Variants in PRSS12 observed in about 807,000 individuals in gnomAD.
The protein encoded by PRSS12 is serine protease 12.
PRSS12 carries 85 observed loss-of-function variants against 104.4 expected under a neutral mutation model. The observed-to-expected ratio is 0.81, with a 90% CI of 0.68 to 0.98. The LOEUF is 0.98. Among genes scored for constraint, PRSS12 ranks in the 50% least tolerant of loss-of-function variants. The probability of loss-of-function intolerance (pLI) is 0.00; values close to 1 mark genes in which losing one functional copy is unlikely to be tolerated. For synonymous variants in PRSS12, 454 were observed against 425.2 expected (o/e 1.07, Z -0.83); for missense variants, 1,141 against 1,139.2 (o/e 1.00, Z -0.02).
At chr4:118,318,303 G>A in intron 5 of PRSS12, 75 bp downstream of exon 5, 1 of 1,405,524 alleles carries the variant, frequency 7.1e-7, no homozygotes. Flanking sequence ...TTGAAATTAA[G>A]GAGAAGGGAA....
At chr4:118,325,961 C>G (rs907150472) in intron 4 of PRSS12, among the ~76,000 whole-genome samples, 1 of 152,152 alleles carries the variant, frequency 6.6e-6, no homozygotes, top group African/African-American at 2.4e-5. Context: ...AATCCCTATT[C>G]AAAACATTCT....
At chr4:118,332,089 A>G (rs2126040620) in intron 3 of PRSS12, among the ~76,000 whole-genome samples, 1 of 152,296 alleles carries the variant, frequency 6.6e-6, no homozygotes, top group Middle Eastern at 3.4e-3. Flanking sequence ...TCTTAGGAGG[A>G]AATGTGTTTA....
intron 10 of PRSS12, among the ~76,000 whole-genome samples, chr4:118,295,482 T>C (rs373553984): frequency 2.6e-5 from 4 of 152,230 alleles, no homozygotes; most frequent in Non-Finnish European, 1.5e-5. Context: ...ACATTCTAAA[T>C]TAGATGAATC....
At chr4:118,302,883 T>TA (rs1189354860) in intron 8 of PRSS12, among the ~76,000 whole-genome samples, 6 of 152,158 alleles carry the variant, frequency 3.9e-5, no homozygotes, top group Non-Finnish European at 8.8e-5. Context: ...TCTTTAAAAA[T>TA]AAAAATAATT....
At chr4:118,308,045 T>C (rs1056325826) in intron 8 of PRSS12, among the ~76,000 whole-genome samples, 3 of 152,226 alleles carry the variant, frequency 2.0e-5, no homozygotes, top group African/African-American at 7.2e-5. Flanking sequence ...AGTGACTTTA[T>C]AACTATCAAG....
chr4:118,281,885 G>A lies in PRSS12; in HGVS notation c.*51C>T. 1 of 870,856 alleles carries A rather than the reference G, an allele frequency of 1.1e-6. No homozygotes were observed. The highest frequency in any genetic ancestry group is 2.0e-6 in the Non-Finnish European group (1 of 500,852). The allele number at this position is 870,856 out of a possible 1,614,324, so 53.9% of individuals were successfully genotyped here. On this transcript the variant is annotated 3_prime_UTR_variant, in exon 13 of 13. Coordinates refer to ENST00000296498, the MANE Select transcript of PRSS12 (RefSeq NM_003619.4). ...TCTCTGCTGAGTGCTAATAGTGGGG[G>A]TTCAAAGTTTTCCATTTGTTTAAAT...
At chr4:118,288,289 C>T (rs1323923166) in intron 11 of PRSS12, among the ~76,000 whole-genome samples, 1 of 152,186 alleles carries the variant, frequency 6.6e-6, no homozygotes, top group Non-Finnish European at 1.5e-5. Flanking sequence ...TACACATACA[C>T]AAATACTATG....
chr4:118,282,549 A>G (rs1007837850), intron 12 of PRSS12, among the ~76,000 whole-genome samples: 1 of 152,210 alleles, frequency 6.6e-6, no homozygotes, highest in Non-Finnish European at 1.5e-5. Flanking sequence ...AATTCTGTAT[A>G]TTAAAAAGCA....
rs1242968060 is a variant in PRSS12, at chr4:118,335,614, G to C, written c.679C>G (p.Leu227Val). Reference protein sequence around the residue: ...GIAKQTPFSGLGLIPIYWSNV... With the variant: ...GIAKQTPFSGVGLIPIYWSNV... ...CTCCAATAAATGGGAATAAGGCCCA[G>C]TCCAGAAAACGGGGTTTGTTTTGCT... Residue 227 changes from leucine (L) to valine (V), a missense_variant, in exon 3 of 13, where the codon CTG becomes GTG. Transcript: ENST00000296498. 8 of 1,613,890 alleles carry C rather than the reference G, an allele frequency of 5.0e-6. No homozygotes were observed. The highest frequency in any genetic ancestry group is 6.8e-6 in the Non-Finnish European group (8 of 1,179,954).
At chr4:118,291,571 G>C (rs1428978865) in intron 11 of PRSS12, among the ~76,000 whole-genome samples, 1 of 152,008 alleles carries the variant, frequency 6.6e-6, no homozygotes, top group Non-Finnish European at 1.5e-5. Flanking sequence ...ATCTAATCCA[G>C]TCCCACACAA....
chr4:118,291,809 G>A (rs1368703989), intron 11 of PRSS12, among the ~76,000 whole-genome samples: 2 of 152,108 alleles, frequency 1.3e-5, no homozygotes, highest in Non-Finnish European at 2.9e-5. Context: ...TTGTATTGCT[G>A]AGTCTTATTA....
chr4:118,314,303 TTTC>T (rs763995332), intron 6 of PRSS12, among the ~76,000 whole-genome samples: 9 of 135,982 alleles, frequency 6.6e-5, no homozygotes, highest in African/African-American at 1.1e-4. Context: ...TGACATGAAT[TTTC>T]TTCTTTTTTT....
chr4:118,334,554 C>T (rs912734970), intron 3 of PRSS12, among the ~76,000 whole-genome samples: 20 of 151,916 alleles, frequency 1.3e-4, no homozygotes, highest in African/African-American at 4.6e-4. Context: ...TATGCCTCTC[C>T]CAGTCAAAAA....
At chr4:118,313,648 CTTGTGTT>C (rs1253022858) in intron 6 of PRSS12, among the ~76,000 whole-genome samples, 1 of 152,146 alleles carries the variant, frequency 6.6e-6, no homozygotes. Flanking sequence ...CCCATTCATT[CTTGTGTT>C]TTGTCTACAA....
intron 7 of PRSS12, among the ~76,000 whole-genome samples, chr4:118,309,530 A>T (rs1448847582): frequency 2.0e-5 from 3 of 152,102 alleles, no homozygotes; most frequent in Non-Finnish European, 2.9e-5. Flanking sequence ...AACCAACCCT[A>T]CTGACATTTG....
In PRSS12 at chr4:118,352,497, TGGGCAGGGAGCG is replaced by T; in HGVS notation, c.212_223del (p.Ala71_Gln75delinsGlu). On this transcript the variant is annotated inframe_deletion, in exon 1 of 13. Transcript: ENST00000296498. ...CCCGGCCTGGAGGGCGTGCGGGCGC[TGGGCAGGGAGCG>T]CCCGCGGGGGGCGCGGGAAGCGCGG... is the stretch of plus-strand genomic sequence containing the variant. The T allele has an allele frequency of 7.2e-7, 1 of 1,381,720 alleles. No homozygotes were observed. Among genetic ancestry groups the T allele is most frequent in the Non-Finnish European group, 9.3e-7 (1 of 1,072,816 alleles). The allele number at this position is 1,381,720 out of a possible 1,614,324, so 85.6% of individuals were successfully genotyped here.
chr4:118,317,620 G>A (rs1723481832), intron 5 of PRSS12, among the ~76,000 whole-genome samples: 2 of 152,170 alleles, frequency 1.3e-5, no homozygotes, highest in South Asian at 4.1e-4. Flanking sequence ...TTTCTATGGT[G>A]TATTAATGTG....
At chr4:118,303,634 T>C (rs992758607) in intron 8 of PRSS12, 1 of 152,196 alleles carries the variant, frequency 6.6e-6, no homozygotes, top group African/African-American at 2.4e-5. Context: ...CACTTTCTGA[T>C]AATTAGTCTT....
At chr4:118,302,766 A>G (rs1743432815) in intron 8 of PRSS12, among the ~76,000 whole-genome samples, 2 of 151,268 alleles carry the variant, frequency 1.3e-5, no homozygotes, top group African/African-American at 2.4e-5. Context: ...AACCTTCTAT[A>G]TATCTGTGCT....
Sources: allele counts gnomAD v4.1 joint callset (sites outside exome capture counted in the v4.1 genomes callset), GRCh38; gene constraint gnomAD v4.1.1; transcripts MANE v1.5; gene names NCBI Gene and HGNC (gene_info 2026-07-23, HGNC 2026-07-21).